SLCO1C1: variants seen among roughly 807,000 people sequenced by gnomAD.
SLCO1C1 encodes the protein solute carrier organic anion transporter family member 1C1.
SLCO1C1 carries 70 observed loss-of-function variants against 76.4 expected under a neutral mutation model. That is an observed-to-expected ratio of 0.92 (90% CI 0.76 to 1.12). The LOEUF is 1.12. Among genes scored for constraint, SLCO1C1 ranks in the 50% most tolerant of loss-of-function variants. SLCO1C1 has a pLI of 0.00. For missense variants in SLCO1C1, 912 were observed against 823.8 expected (o/e 1.11, Z -1.31); for synonymous variants, 306 against 286.1 (o/e 1.07, Z -0.70).
Position 20,723,194 on chromosome 12 carries a change from A to G in SLCO1C1, c.1126A>G (p.Lys376Glu), listed in dbSNP as rs961052661. ...FNSLFGMVTY[K>E]PKYIEQQYGQ... is the part of the protein sequence containing the mutation. ...TTCTCTGTTCGGCATGGTGACGTAC[A>G]AACCAAAGTACATTGAGCAGCAGTA... The change falls in exon 9 of 15, where the codon AAA becomes GAA. Residue 376 changes from lysine to glutamate, a missense_variant. Lys to Glu is a moderately conservative substitution (Grantham distance 56, BLOSUM62 1). Transcript: ENST00000266509. 1 of 1,614,070 alleles carries G rather than the reference A, an allele frequency of 6.2e-7. No individual in the cohort carries two copies. The highest frequency in any genetic ancestry group is 8.5e-7 in the Non-Finnish European group (1 of 1,180,036).
In SLCO1C1 at chr12:20,715,211, A is replaced by G. The variant is rs750801965; in HGVS notation, c.602A>G (p.Glu201Gly). ...GGCAATCTTCTTCGTGGAATAGGAG[A>G]AACTCCCATTCAGCCTTTGGGCATT... is the stretch of plus-strand genomic sequence containing the variant. The part of the protein sequence containing the change: ...FLGNLLRGIG[E>G]TPIQPLGIAY... Residue 201 changes from glutamate to glycine, a missense_variant, in exon 6 of 15, where the codon GAA (glutamate) becomes GGA (glycine). Transcript: ENST00000266509. The G allele has an allele frequency of 6.2e-7, 1 of 1,613,980 alleles. No individual in the cohort carries two copies. Among genetic ancestry groups the G allele is most frequent in the South Asian group, 1.1e-5 (1 of 91,072 alleles).
Position 20,723,241 on chromosome 12 carries a change from C to G in SLCO1C1, c.1173C>G (p.Ala391=). The change falls in exon 9 of 15, where the codon GCC becomes GCG. Residue 391 remains alanine (A), a synonymous_variant. Coordinates refer to ENST00000266509, the MANE Select transcript of SLCO1C1 (RefSeq NM_017435.5). ...AGTATGGACAGTCATCCTCCAGGGC[C>G]AACTTTGTGATCGGTATGCTCATCT... The part of the protein sequence containing the change: ...EQQYGQSSSR[A]NFVIGLINIP... The G allele has an allele frequency of 6.2e-7, 1 of 1,613,722 alleles. No homozygotes were observed. The highest frequency in any genetic ancestry group is 8.5e-7 in the Non-Finnish European group (1 of 1,179,878).
intron 7 of SLCO1C1, among the ~76,000 whole-genome samples, chr12:20,717,648 CTT>C (rs534946900): frequency 2.8e-4 from 12 of 42,310 alleles, no homozygotes; most frequent in African/African-American, 3.4e-4. Context: ...AACAGCCCTT[CTT>C]TTTTTTTTTT....
Position 20,732,957 on chromosome 12 carries a change from T to A in SLCO1C1, c.1235T>A (p.Ile412Lys). The A allele has an allele frequency of 6.2e-7, 1 of 1,614,030 alleles. No individual in the cohort carries two copies. The highest frequency in any genetic ancestry group is 1.1e-5 in the South Asian group (1 of 91,082). Residue 412 changes from isoleucine to lysine, a missense_variant, in exon 10 of 15, where the codon ATA becomes AAA. Ile to Lys is a moderately radical substitution (Grantham distance 102, BLOSUM62 -3). Coordinates refer to ENST00000266509, the MANE Select transcript of SLCO1C1 (RefSeq NM_017435.5). Reference sequence around the variant, plus strand: ...GCCCTTGGAATATTCTCTGGGGGGATAGTTATGAAAAAATTCAGAATCAGT... The same window carrying A: ...GCCCTTGGAATATTCTCTGGGGGGAAAGTTATGAAAAAATTCAGAATCAGT... ...AVALGIFSGG[I>K]VMKKFRISVC... is the part of the protein sequence containing the mutation.
chr12:20,742,941 T>G (rs981653056), intron 12 of SLCO1C1, among the ~76,000 whole-genome samples: 4 of 152,102 alleles, frequency 2.6e-5, no homozygotes, highest in Admixed American at 6.6e-5. Flanking sequence ...CCATAAAAAT[T>G]TTTTGGCTAT....
intron 4 of SLCO1C1, among the ~76,000 whole-genome samples, chr12:20,709,432 A>G (rs1418053914): frequency 1.3e-5 from 2 of 152,230 alleles, no homozygotes; most frequent in Non-Finnish European, 2.9e-5. Context: ...CTGAGTTAAA[A>G]TAATGAAAAA....
rs1419099002 is a variant in SLCO1C1, at chr12:20,721,950, T to A, written c.922T>A (p.Ser308Thr). ...ACCAAGATCCCAAAGTAGAGAGGAT[T>A]CTAATTCTTCCTCTGAGAAATCCAA... Reference protein sequence around the residue: ...SLPRSQSREDSNSSSEKSKFI... With the variant: ...SLPRSQSREDTNSSSEKSKFI... Residue 308 changes from serine to threonine, a missense_variant, in exon 8 of 15, where the codon TCT (serine) becomes ACT (threonine). Coordinates refer to ENST00000266509, the MANE Select transcript of SLCO1C1 (RefSeq NM_017435.5). 1 of 1,614,134 alleles carries A rather than the reference T, an allele frequency of 6.2e-7. No homozygotes were observed. The highest frequency in any genetic ancestry group is 1.7e-5 in the Admixed American group (1 of 60,018).
chr12:20,733,006 C>T lies in SLCO1C1; in HGVS notation c.1284C>T (p.Tyr428=), dbSNP rs1443842903. Residue 428 remains tyrosine (Y), a synonymous_variant, in exon 10 of 15, where the codon TAC becomes TAT. Transcript: ENST00000266509. ...GTGTGTGTGGAGCTGCAAAACTCTA[C>T]TTGGGATCATCTGTCTTTGGTTACC... is the stretch of plus-strand genomic sequence containing the variant. ...RISVCGAAKL[Y]LGSSVFGYLL... 1.4e-5 allele frequency: 22 copies of T among 1,613,796 alleles called. No homozygotes were observed. The highest frequency in any genetic ancestry group is 1.8e-5 in the Non-Finnish European group (21 of 1,179,880).
intron 10 of SLCO1C1, among the ~76,000 whole-genome samples, chr12:20,735,035 A>T (rs1159266192): frequency 6.6e-6 from 1 of 152,222 alleles, no homozygotes; most frequent in Non-Finnish European, 1.5e-5. Flanking sequence ...AAAATTCTAA[A>T]TTACAAATCT....
chr12:20,711,639 G>A, intron 5 of SLCO1C1, 129 bp downstream of exon 5: 1 of 904,090 alleles, frequency 1.1e-6, no homozygotes. Context: ...AGATATCACA[G>A]TACCATAAAA....
rs1311995389 is a variant in SLCO1C1 at position 20,724,437 on chromosome 12, ATATATATATATATATGTG to A, written c.1186+1185_1186+1202del. 3.0e-3 allele frequency among the ~76,000 whole-genome samples: 383 copies of A among 125,726 alleles called. 2 individuals carry two copies. The highest frequency in any genetic ancestry group is 0.011 in the African/African-American group (358 of 33,642). The allele number at this position is 125,726 out of a possible 152,430, so 82.5% of individuals were successfully genotyped here. On this transcript the variant is annotated intron_variant, in intron 9 of 14. Transcript: ENST00000266509. ...TATATATATATATATATATATATAT[ATATATATATATATATGTG>A]TGTGTGTGTGTGTGTGTGTGTGTCA...
At chr12:20,725,590 G>A (rs1947939391) in intron 9 of SLCO1C1, among the ~76,000 whole-genome samples, 1 of 147,846 alleles carries the variant, frequency 6.8e-6, no homozygotes, top group Non-Finnish European at 1.5e-5. Context: ...ATGGACATTT[G>A]TGTTGTTTTC....
chr12:20,740,515 C>A, intron 12 of SLCO1C1, 147 bp downstream of exon 12: 1 of 677,936 alleles, frequency 1.5e-6, no homozygotes, highest in Non-Finnish European at 2.4e-6. Context: ...TTATATATAT[C>A]GCACTTTGGG....
chr12:20,710,200 CTTTTTTTTTT>C (rs914645913), intron 4 of SLCO1C1, among the ~76,000 whole-genome samples: 10 of 75,486 alleles, frequency 1.3e-4, no homozygotes, highest in Non-Finnish European at 2.3e-4. Flanking sequence ...CTCTACTTTT[CTTTTTTTTTT>C]TTTTTTTTTT....
intron 9 of SLCO1C1, among the ~76,000 whole-genome samples, chr12:20,726,237 CCTCT>C (rs1401199671): frequency 2.0e-5 from 3 of 148,328 alleles, no homozygotes; most frequent in Non-Finnish European, 4.5e-5. Flanking sequence ...TTCTATTCAA[CCTCT>C]CTTTTTCTTA....
intron 5 of SLCO1C1, among the ~76,000 whole-genome samples, 183 bp downstream of exon 5, chr12:20,711,693 T>C (rs1195248321): frequency 6.6e-6 from 1 of 151,996 alleles, no homozygotes; most frequent in Non-Finnish European, 1.5e-5. Flanking sequence ...CCTAAGAAAA[T>C]ATACCAGATG....
intron 11 of SLCO1C1, among the ~76,000 whole-genome samples, chr12:20,739,922 G>T (rs1948721905): frequency 6.6e-6 from 1 of 152,194 alleles, no homozygotes; most frequent in African/African-American, 2.4e-5. Flanking sequence ...AGGAGGTAAG[G>T]TATGGTTAGA....
chr12:20,721,390 G>T (rs1460155582), intron 7 of SLCO1C1, among the ~76,000 whole-genome samples: 1 of 152,154 alleles, frequency 6.6e-6, no homozygotes, highest in Non-Finnish European at 1.5e-5. Flanking sequence ...ATTGAGATGG[G>T]ATCCTGTACC....
intron 10 of SLCO1C1, among the ~76,000 whole-genome samples, chr12:20,735,970 T>A (rs1228067622): frequency 6.6e-6 from 1 of 152,056 alleles, no homozygotes; most frequent in Non-Finnish European, 1.5e-5. Context: ...TTGTTTAAGC[T>A]CCTCAGCTAT....
Sources: gnomAD v4.1 joint callset for allele counts (sites outside exome capture counted in the v4.1 genomes callset) on GRCh38, gnomAD v4.1.1 for gene constraint, MANE v1.5 for transcripts, NCBI Gene and HGNC (gene_info 2026-07-23, HGNC 2026-07-21) for gene names.